CSTA: variants seen among roughly 807,000 people sequenced by gnomAD.
CSTA encodes the protein cystatin-A.
In CSTA, 9 loss-of-function variants were observed where a neutral mutation model predicts 9.2. The observed-to-expected ratio is 0.97, with a 90% CI of 0.59 to 1.70. The LOEUF (loss-of-function observed/expected upper bound fraction) is 1.70, where lower values mean the gene tolerates loss of function less well. CSTA is among the 40% of genes most tolerant of loss of function. The pLI is 0.00. For missense variants in CSTA, 118 were observed against 113.1 expected, an observed-to-expected ratio of 1.04 and a Z score of -0.20; for synonymous variants, 36 against 40.6, an observed-to-expected ratio of 0.89 and a Z score of 0.43.
intron 2 of CSTA, 82 bp from the exon 3 acceptor site, chr3:122,341,357 T>G: frequency 6.7e-7 from 1 of 1,495,098 alleles, no homozygotes; most frequent in Non-Finnish European, 9.3e-7. Context: ...CAGAAGTCTT[T>G]GTAGACCTGT....
chr3:122,333,540 G>GAAAAAGAAAGAAAGAAAGA (rs1274127478), intron 1 of CSTA, among the ~76,000 whole-genome samples: 2 of 112,078 alleles, frequency 1.8e-5, no homozygotes, highest in Admixed American at 1.1e-4. Context: ...AGAAAAGAAA[G>GAAAAAGAAAGAAAGAAAGA]AAGAAAGAAA....
At position 122,337,649 on chromosome 3, in the gene CSTA, G is replaced by T; in HGVS notation, c.168+1G>T. 6.3e-7 allele frequency: 1 copy of T among 1,584,918 alleles called. No individual in the cohort carries two copies. The highest frequency in any genetic ancestry group is 8.7e-7 in the Non-Finnish European group (1 of 1,153,308). ...TGCTGGAACAAATTACTACATTAAGGTTAGAGTTCAGCACCTACTTTAGCG... is the reference window on the plus strand; with the variant it reads ...TGCTGGAACAAATTACTACATTAAGTTTAGAGTTCAGCACCTACTTTAGCG... On this transcript the variant is annotated splice_donor_variant, in intron 2 of 2. Coordinates refer to ENST00000264474, the MANE Select transcript of CSTA (RefSeq NM_005213.4). LOFTEE classifies it high-confidence loss of function.
At chr3:122,332,091 C>T (rs995051379) in intron 1 of CSTA, among the ~76,000 whole-genome samples, 1 of 152,206 alleles carries the variant, frequency 6.6e-6, no homozygotes, top group Non-Finnish European at 1.5e-5. Flanking sequence ...CTGCTCCCCT[C>T]CTGCTGTGCA....
chr3:122,333,728 AAG>A (rs201469474), intron 1 of CSTA, among the ~76,000 whole-genome samples: 1 of 140,116 alleles, frequency 7.1e-6, no homozygotes, highest in Non-Finnish European at 1.5e-5. Flanking sequence ...AAGAGAAAGA[AAG>A]AAAGAGAAAG....
intron 1 of CSTA, among the ~76,000 whole-genome samples, chr3:122,326,961 T>C (rs370858511): frequency 1.3e-5 from 2 of 152,130 alleles, no homozygotes; most frequent in East Asian, 3.9e-4. Flanking sequence ...GGGTGCAGGC[T>C]GGGCTCAGTG....
intron 1 of CSTA, among the ~76,000 whole-genome samples, chr3:122,332,934 T>A (rs1341403653): frequency 6.6e-6 from 1 of 152,190 alleles, no homozygotes; most frequent in Non-Finnish European, 1.5e-5. Flanking sequence ...GCTCCCCTAC[T>A]CTGCCCCTTT....
intron 2 of CSTA, among the ~76,000 whole-genome samples, chr3:122,339,256 G>A (rs1393800913): frequency 1.3e-5 from 2 of 152,210 alleles, no homozygotes; most frequent in Admixed American, 1.3e-4. Context: ...CACAATGAGG[G>A]TAATAATCTA....
chr3:122,339,462 C>T (rs1288419529), intron 2 of CSTA, among the ~76,000 whole-genome samples: 2 of 152,148 alleles, frequency 1.3e-5, no homozygotes, highest in African/African-American at 4.8e-5. Flanking sequence ...AAAGATCACA[C>T]AACTACAAGA....
intron 1 of CSTA, among the ~76,000 whole-genome samples, chr3:122,328,080 T>C (rs1429551717): frequency 6.6e-6 from 1 of 151,728 alleles, no homozygotes; most frequent in African/African-American, 2.4e-5. Flanking sequence ...CAGAAAGGGG[T>C]TTTGCAGTTT....
chr3:122,338,515 A>G (rs2075248194), intron 2 of CSTA, among the ~76,000 whole-genome samples: 1 of 137,616 alleles, frequency 7.3e-6, no homozygotes, highest in Non-Finnish European at 1.6e-5. Context: ...AAAAAAAAAA[A>G]GTAAGTGAAG....
At position 122,341,552 on chromosome 3, in the gene CSTA, G is replaced by T; in HGVS notation, c.282G>T (p.Glu94Asp). Residue 94 changes from glutamate (E) to aspartate (D), a missense_variant, in exon 3 of 3, where the codon GAG becomes GAT. Coordinates refer to ENST00000264474, the MANE Select transcript of CSTA (RefSeq NM_005213.4). ...AGGTTGACAAAAACAAGGATGACGA[G>T]CTGACGGGCTTTTAGCAGCATGTAC... ...GYQVDKNKDD[E>D]LTGF 6.2e-7 allele frequency: 1 copy of T among 1,614,164 alleles called. No individual in the cohort carries two copies. The highest frequency in any genetic ancestry group is 8.5e-7 in the Non-Finnish European group (1 of 1,180,018).
chr3:122,341,638 C>A lies in CSTA; in HGVS notation c.*71C>A. 5.2e-6 allele frequency: 8 copies of A among 1,551,056 alleles called. No homozygotes were observed. Among genetic ancestry groups the A allele is most frequent in the Non-Finnish European group, 7.1e-6 (8 of 1,126,646 alleles). ...TCATGATCCTTGCTGATAAATATAA[C>A]CATCAATAAAGAAGCATTCTTTTCC... On this transcript the variant is annotated 3_prime_UTR_variant, in exon 3 of 3. Coordinates refer to ENST00000264474, the MANE Select transcript of CSTA (RefSeq NM_005213.4).
Position 122,341,583 on chromosome 3 carries a change from G to A in CSTA, c.*16G>A. 6.2e-7 allele frequency: 1 copy of A among 1,614,098 alleles called. No homozygotes were observed. Among genetic ancestry groups the A allele is most frequent in the Non-Finnish European group, 8.5e-7 (1 of 1,179,966 alleles). On this transcript the variant is annotated 3_prime_UTR_variant, in exon 3 of 3. Coordinates refer to ENST00000264474, the MANE Select transcript of CSTA (RefSeq NM_005213.4). ...GGGCTTTTAGCAGCATGTACCCAAA[G>A]TGTTCTGATTCCTTCAACTGGCTAC...
chr3:122,340,653 A>G (rs925159944), intron 2 of CSTA, among the ~76,000 whole-genome samples: 2 of 152,156 alleles, frequency 1.3e-5, no homozygotes, highest in Non-Finnish European at 2.9e-5. Context: ...GCTCTGCTCA[A>G]TCCTACCAGT....
intron 1 of CSTA, among the ~76,000 whole-genome samples, chr3:122,329,964 C>T (rs901931859): frequency 2.0e-5 from 3 of 152,188 alleles, no homozygotes; most frequent in African/African-American, 7.2e-5. Context: ...ATTTCCAATT[C>T]AGTGTTAGAA....
chr3:122,337,556 C>T lies in CSTA; in HGVS notation c.76C>T (p.Gln26Ter). The T allele has an allele frequency of 1.2e-6, 2 of 1,608,562 alleles. No individual in the cohort carries two copies. Among genetic ancestry groups the T allele is most frequent in the Non-Finnish European group, 1.7e-6 (2 of 1,175,076 alleles). Residue 26 changes from glutamine to a stop codon, truncating the protein, a stop_gained, in exon 2 of 3, where the codon CAG becomes TAG. Transcript: ENST00000264474. LOFTEE classifies it high-confidence loss of function. ...CTTTTCTTTTCTTTAGGTTAAACCA[C>T]AGCTTGAAGAAAAAACAAATGAGAC... ...IQEIVDKVKP[Q>*]LEEKTNETYG...
chr3:122,326,310 C>A (rs1300332041), intron 1 of CSTA, among the ~76,000 whole-genome samples: 1 of 152,134 alleles, frequency 6.6e-6, no homozygotes, highest in Non-Finnish European at 1.5e-5. Context: ...GGATTACAGG[C>A]GTGAGCCACC....
At chr3:122,335,295 CA>C (rs199655043) in intron 1 of CSTA, among the ~76,000 whole-genome samples, 1,637 of 152,252 alleles carry the variant, frequency 0.011, 35 homozygotes, top group African/African-American at 0.037. Context: ...CTTTACACAG[CA>C]AAAGAGACTT....
At chr3:122,331,008 G>C (rs973643098) in intron 1 of CSTA, among the ~76,000 whole-genome samples, 1 of 151,944 alleles carries the variant, frequency 6.6e-6, no homozygotes, top group Admixed American at 6.6e-5. Flanking sequence ...GCATTTTGAT[G>C]AGAATTGTGA....
Sources: allele counts gnomAD v4.1 joint callset (sites outside exome capture counted in the v4.1 genomes callset), GRCh38; gene constraint gnomAD v4.1.1; transcripts MANE v1.5; gene names NCBI Gene and HGNC (gene_info 2026-07-23, HGNC 2026-07-21).